SSU72L6: variants seen among roughly 807,000 people sequenced by gnomAD.
SSU72L6 encodes the protein SSU72 like 6, also known as RNA polymerase II subunit A C-terminal domain phosphatase SSU72 like protein 6.
At chr7:124,476,533 T>C in the SSU72L6 span, 2 of 780,668 alleles carry the variant, frequency 2.6e-6, no homozygotes, top group South Asian at 1.3e-5. Context: ...TCCTGTAGTT[T>C]ACGATTTTGC....
At chr7:124,476,808 A>C in the SSU72L6 span, 7 of 776,508 alleles carry the variant, frequency 9.0e-6, no homozygotes, top group Non-Finnish European at 1.7e-5. Flanking sequence ...ATACCCTGGA[A>C]GGTGCCATCC....
the SSU72L6 span, chr7:124,476,968 G>C: frequency 5.5e-6 from 4 of 728,716 alleles, no homozygotes; most frequent in East Asian, 1.0e-4. Flanking sequence ...ATCTGGGCTG[G>C]CTTTGTCTCC....
the SSU72L6 span, chr7:124,477,069 A>G: frequency 3.3e-6 from 2 of 602,280 alleles, no homozygotes; most frequent in African/African-American, 1.9e-5. Context: ...TGTTTGTATT[A>G]CTTTTGTACA....
At chr7:124,476,717 A>G in the SSU72L6 span, 21 of 780,588 alleles carry the variant, frequency 2.7e-5, no homozygotes, top group African/African-American at 3.4e-4. Context: ...GAGCGTGTCT[A>G]TGACACAGTG....
the SSU72L6 span, chr7:124,476,498 G>C: frequency 5.1e-6 from 4 of 780,662 alleles, no homozygotes; most frequent in Non-Finnish European, 9.6e-6. Context: ...TCTCATGTGA[G>C]GCTACCAGGA....
chr7:124,476,869 G>A, the SSU72L6 span: 3 of 765,646 alleles, frequency 3.9e-6, no homozygotes, highest in Non-Finnish European at 4.8e-6. Flanking sequence ...GCAGTCCGAC[G>A]ACATGGAAGA....
At chr7:124,476,547 A>G in the SSU72L6 span, 2 of 780,700 alleles carry the variant, frequency 2.6e-6, no homozygotes, top group Non-Finnish European at 4.8e-6. Context: ...ATTTTGCAAC[A>G]ACATATAAGG....
chr7:124,477,379 GT>G, the SSU72L6 span, among the ~76,000 whole-genome samples: 74 of 148,456 alleles, frequency 5.0e-4, 1 homozygote, highest in East Asian at 3.7e-3. Flanking sequence ...AATTTGAGTG[GT>G]TTTTTTTTTA....
the SSU72L6 span, chr7:124,476,686 G>T: frequency 2.6e-6 from 2 of 780,574 alleles, no homozygotes; most frequent in South Asian, 1.3e-5. Context: ...TGAATTCTTT[G>T]ATGTCATCTT....
At chr7:124,477,276 A>G in the SSU72L6 span, among the ~76,000 whole-genome samples, 1 of 152,208 alleles carries the variant, frequency 6.6e-6, no homozygotes, top group African/African-American at 2.4e-5. Context: ...TGGAGCTGAT[A>G]ATGGACTGCT....
At chr7:124,476,672 G>A in the SSU72L6 span, 1 of 780,718 alleles carries the variant, frequency 1.3e-6, no homozygotes, top group Middle Eastern at 2.3e-4. Context: ...TTTCAGGAAT[G>A]CACTGAATTC....
the SSU72L6 span, chr7:124,476,441 G>T: frequency 1.9e-5 from 15 of 780,008 alleles, no homozygotes; most frequent in Admixed American, 1.2e-4. Flanking sequence ...GAGGCCCACA[G>T]CATCCTCAGG....
the SSU72L6 span, chr7:124,476,944 T>C: frequency 2.7e-6 from 2 of 753,916 alleles, no homozygotes; most frequent in Non-Finnish European, 4.9e-6. Flanking sequence ...TCACACCGTC[T>C]GCTTCTACTG....
the SSU72L6 span, among the ~76,000 whole-genome samples, chr7:124,477,562 A>G: frequency 6.6e-6 from 1 of 151,772 alleles, no homozygotes; most frequent in South Asian, 2.1e-4. Context: ...TCCAAGTTGG[A>G]TAATGAACTA....
At chr7:124,476,805 G>A in the SSU72L6 span, 1 of 777,050 alleles carries the variant, frequency 1.3e-6, no homozygotes, top group African/African-American at 1.7e-5. Context: ...AAGATACCCT[G>A]GAAGGTGCCA....
At chr7:124,476,802 C>T in the SSU72L6 span, 1 of 777,458 alleles carries the variant, frequency 1.3e-6, no homozygotes, top group Non-Finnish European at 2.4e-6. Flanking sequence ...TCAAAGATAC[C>T]CTGGAAGGTG....
the SSU72L6 span, among the ~76,000 whole-genome samples, chr7:124,477,182 C>T: frequency 6.6e-6 from 1 of 152,152 alleles, no homozygotes; most frequent in South Asian, 2.1e-4. Context: ...GTTCTACATG[C>T]ATTACATACA....
At chr7:124,476,833 A>C in the SSU72L6 span, 1 of 771,084 alleles carries the variant, frequency 1.3e-6, no homozygotes, top group East Asian at 2.4e-5. Context: ...AGCTTTCCTC[A>C]TCTGTGAGAT....
the SSU72L6 span, chr7:124,476,561 T>G: frequency 1.2e-5 from 9 of 780,708 alleles, no homozygotes; most frequent in East Asian, 7.3e-5. Context: ...TATAAGGAGA[T>G]GTACAATGAC....
Sources: gnomAD v4.1 joint callset for allele counts (sites outside exome capture counted in the v4.1 genomes callset) on GRCh38, gnomAD v4.1.1 for gene constraint, MANE v1.5 for transcripts, NCBI Gene and HGNC (gene_info 2026-07-23, HGNC 2026-07-21) for gene names.